Variants in CACNG2 observed in about 807,000 individuals in gnomAD.
The protein encoded by CACNG2 is calcium voltage-gated channel auxiliary subunit gamma 2, also known as voltage-dependent calcium channel gamma-2 subunit.
CACNG2 carries 3 observed loss-of-function variants against 25.9 expected under a neutral mutation model. The ratio of observed to expected loss-of-function variants is 0.12; its 90% CI spans 0.05 to 0.30. CACNG2 has a LOEUF of 0.30. Ranked by LOEUF, CACNG2 falls within the 10% of genes least tolerant of loss-of-function variation. The pLI, the probability that CACNG2 is intolerant of heterozygous loss-of-function variation, is 1.00. For synonymous variants in CACNG2, 167 were observed against 173.3 expected (o/e 0.96, Z 0.29); for missense variants, 341 against 432.5 (o/e 0.79, Z 1.88).
intron 1 of CACNG2, 41 bp from the exon 2 acceptor site, chr22:36,587,589 T>C (rs1483329653): frequency 6.8e-7 from 1 of 1,477,322 alleles, no homozygotes; most frequent in Admixed American, 1.7e-5. Flanking sequence ...AACATCATAG[T>C]TTTGGGGGCG....
At chr22:36,622,634 C>T (rs1936122740) in intron 1 of CACNG2, among the ~76,000 whole-genome samples, 1 of 152,178 alleles carries the variant, frequency 6.6e-6, no homozygotes, top group Non-Finnish European at 1.5e-5. Flanking sequence ...CTGTTACATG[C>T]CAGCCATGCT....
chr22:36,664,928 G>C (rs1384762728), intron 1 of CACNG2, among the ~76,000 whole-genome samples: 2 of 152,152 alleles, frequency 1.3e-5, no homozygotes, highest in Non-Finnish European at 2.9e-5. Context: ...TCTGACGAGG[G>C]GGTGCCTGGT....
chr22:36,599,401 A>C (rs570874716), intron 1 of CACNG2, among the ~76,000 whole-genome samples: 3 of 152,196 alleles, frequency 2.0e-5, no homozygotes, highest in African/African-American at 4.8e-5. Flanking sequence ...ATAAACATCA[A>C]GTTTAAGAGT....
chr22:36,653,496 C>A (rs145998455), intron 1 of CACNG2, among the ~76,000 whole-genome samples: 9 of 152,338 alleles, frequency 5.9e-5, no homozygotes, highest in Non-Finnish European at 1.3e-4. Flanking sequence ...CGGGCTGGGG[C>A]CTGTGTGTGC....
intron 1 of CACNG2, among the ~76,000 whole-genome samples, chr22:36,664,779 T>C (rs1449665601): frequency 1.3e-5 from 2 of 152,242 alleles, no homozygotes; most frequent in Non-Finnish European, 2.9e-5. Flanking sequence ...AGAGTTTTCA[T>C]ATAAGCATCA....
At chr22:36,650,645 AG>A (rs1471323674) in intron 1 of CACNG2, among the ~76,000 whole-genome samples, 1 of 152,104 alleles carries the variant, frequency 6.6e-6, no homozygotes, top group Non-Finnish European at 1.5e-5. Context: ...CCAAAGTGCT[AG>A]GATTGCAGGT....
intron 1 of CACNG2, among the ~76,000 whole-genome samples, chr22:36,688,466 A>C (rs2146011289): frequency 6.6e-6 from 1 of 150,444 alleles, no homozygotes; most frequent in South Asian, 2.1e-4. Context: ...CTTGAACCCA[A>C]CAGTTTGAGG....
chr22:36,612,041 G>T (rs1045413372), intron 1 of CACNG2, among the ~76,000 whole-genome samples: 2 of 152,194 alleles, frequency 1.3e-5, no homozygotes, highest in African/African-American at 4.8e-5. Flanking sequence ...AGGGCTTAAT[G>T]GTAAGCACTT....
intron 1 of CACNG2, among the ~76,000 whole-genome samples, chr22:36,680,596 C>T (rs559789580): frequency 2.6e-4 from 38 of 148,058 alleles, no homozygotes; most frequent in Admixed American, 1.1e-3. Flanking sequence ...CCACCACCTG[C>T]ATCATGGCTA....
chr22:36,661,484 G>A (rs985341201), intron 1 of CACNG2, among the ~76,000 whole-genome samples: 4 of 152,132 alleles, frequency 2.6e-5, no homozygotes, highest in African/African-American at 4.8e-5. Context: ...GACTTGAACC[G>A]TGTGGGGCCT....
intron 1 of CACNG2, among the ~76,000 whole-genome samples, chr22:36,695,089 G>A (rs369068666): frequency 4.6e-5 from 7 of 152,132 alleles, no homozygotes; most frequent in South Asian, 2.1e-4. Context: ...GGTGGTTTGC[G>A]CCTGTCTTCT....
At chr22:36,652,375 C>G (rs1038672790) in intron 1 of CACNG2, among the ~76,000 whole-genome samples, 3 of 152,122 alleles carry the variant, frequency 2.0e-5, no homozygotes, top group African/African-American at 7.2e-5. Flanking sequence ...CCCTGCCTAC[C>G]TCTGCAGCCC....
intron 1 of CACNG2, among the ~76,000 whole-genome samples, chr22:36,647,879 A>G (rs997190715): frequency 6.6e-6 from 1 of 151,302 alleles, no homozygotes; most frequent in African/African-American, 2.5e-5. Flanking sequence ...GTGTGTGTGT[A>G]TGTGCACACA....
chr22:36,643,598 G>A (rs6000360), intron 1 of CACNG2, among the ~76,000 whole-genome samples: 129 of 152,182 alleles, frequency 8.5e-4, no homozygotes, highest in African/African-American at 3.0e-3. Flanking sequence ...ATGCTAATCA[G>A]AAGGGAAGGT....
chr22:36,662,811 T>A (rs1936819279), intron 1 of CACNG2, among the ~76,000 whole-genome samples: 1 of 152,128 alleles, frequency 6.6e-6, no homozygotes, highest in Non-Finnish European at 1.5e-5. Flanking sequence ...AACGTAGATG[T>A]TATTTTTTTC....
intron 1 of CACNG2, among the ~76,000 whole-genome samples, chr22:36,654,582 C>A (rs1427379967): frequency 6.6e-6 from 1 of 152,120 alleles, no homozygotes; most frequent in African/African-American, 2.4e-5. Context: ...TATGACACTG[C>A]TCTTTGGCAC....
chr22:36,614,909 TG>T (rs919029825), intron 1 of CACNG2, among the ~76,000 whole-genome samples: 2 of 152,220 alleles, frequency 1.3e-5, no homozygotes, highest in African/African-American at 2.4e-5. Flanking sequence ...CTTCGGAGTC[TG>T]GGGGAAGAAT....
Position 36,623,135 on chromosome 22 carries a change from C to T in CACNG2, c.212-35587G>A, listed in dbSNP as rs568189335. Among the ~76,000 whole-genome samples the T allele has an allele frequency of 1.3e-3, 190 of 150,182 alleles. 1 individual carries two copies. The Middle Eastern group carries it at 0.021, about 16-fold the overall frequency. The stretch of plus-strand genomic sequence containing the variant: ...TCCTAGGTTCAAGAGATTCTCCTGC[C>T]TCAGCCTCCTGAGTAGCTGGGATTA... On this transcript the variant is annotated intron_variant, in intron 1 of 3. Coordinates refer to ENST00000300105, the MANE Select transcript of CACNG2 (RefSeq NM_006078.5).
intron 2 of CACNG2, among the ~76,000 whole-genome samples, chr22:36,569,027 C>G (rs1181724661): frequency 1.3e-5 from 2 of 151,994 alleles, no homozygotes; most frequent in Non-Finnish European, 2.9e-5. Context: ...ACCTGATCCC[C>G]CAGCCCAAAC....
Sources: gnomAD v4.1 joint callset for allele counts (sites outside exome capture counted in the v4.1 genomes callset) on GRCh38, gnomAD v4.1.1 for gene constraint, MANE v1.5 for transcripts, NCBI Gene and HGNC (gene_info 2026-07-23, HGNC 2026-07-21) for gene names.